CASS4: variants seen among roughly 807,000 people sequenced by gnomAD.
CASS4 encodes the protein cas scaffolding protein family member 4.
A neutral mutation model predicts 54.2 loss-of-function variants in CASS4; 22 were observed. That is an observed-to-expected ratio of 0.41 (90% confidence interval 0.29 to 0.58). CASS4 has a LOEUF of 0.58. CASS4 is among the 20% of genes least tolerant of loss of function. CASS4 has a pLI of 0.36. For synonymous variants in CASS4, 409 were observed against 391.5 expected (o/e 1.04, Z -0.53); for missense variants, 854 against 986.7 (o/e 0.87, Z 1.80).
rs572494030 is a variant in CASS4, at chr20:56,428,200, A to G, written c.37-8964A>G. On this transcript the variant is annotated intron_variant, in intron 1 of 5. Transcript: ENST00000679887. ...CTACTGTTTTAATTTTAGGAGCATA[A>G]GTGTTTGGTGTCAGGCGGGCTGTGA... 2.6e-5 allele frequency among the ~76,000 whole-genome samples: 4 copies of G among 152,324 alleles called. No individual in the cohort carries two copies. The East Asian group carries it at 7.7e-4, about 29-fold the overall frequency.
Position 56,459,710 on chromosome 20 carries a change from TC to T in CASS4, c.*968del. On this transcript the variant is annotated 3_prime_UTR_variant, in exon 6 of 6. Transcript: ENST00000679887. ...GTCTGGAACTCCTGACCTCAGGCCATCCCCCGCCTCGGCCTCCCAAAGTGCT... is the reference window on the plus strand; with the variant it reads ...GTCTGGAACTCCTGACCTCAGGCCATCCCCGCCTCGGCCTCCCAAAGTGCT... 2 of 153,760 alleles carry T rather than the reference TC, an allele frequency of 1.3e-5. No individual in the cohort carries two copies. Among genetic ancestry groups the T allele is most frequent in the Non-Finnish European group, 2.9e-5 (2 of 68,970 alleles). 9.5% of individuals were successfully genotyped at this position (153,760 alleles called of 1,614,324 possible). A position where few individuals can be genotyped will look rare whatever the true frequency, so the allele number is the denominator to read the frequency against.
Position 56,450,167 on chromosome 20 carries a change from G to T in CASS4, c.562-432G>T, listed in dbSNP as rs112388864. 5.9e-5 allele frequency among the ~76,000 whole-genome samples: 9 copies of T among 152,170 alleles called. 1 individual carries two copies. Among genetic ancestry groups the T allele is most frequent in the African/African-American group, 2.2e-4 (9 of 41,526 alleles). On this transcript the variant is annotated intron_variant, in intron 3 of 5. Transcript: ENST00000679887. ...CTGCCTCAGCCTCCCGAGTAGCTGG[G>T]ATTACAGTCATGCGCCACCATACCA...
At chr20:56,455,883 A>T (rs1981268088) in intron 5 of CASS4, among the ~76,000 whole-genome samples, 1 of 152,120 alleles carries the variant, frequency 6.6e-6, no homozygotes. Flanking sequence ...GTGAGCTGAG[A>T]TCGCACCACT....
chr20:56,442,452 G>A (rs1001581455), intron 2 of CASS4, among the ~76,000 whole-genome samples: 2 of 151,586 alleles, frequency 1.3e-5, no homozygotes, highest in African/African-American at 2.4e-5. Context: ...TGTGGCTGAC[G>A]CTATTCTTTC....
chr20:56,433,090 C>A (rs998360060), intron 1 of CASS4, among the ~76,000 whole-genome samples: 2 of 152,246 alleles, frequency 1.3e-5, no homozygotes, highest in Non-Finnish European at 2.9e-5. Flanking sequence ...CAGTCCAGAA[C>A]AAGAGGGTGT....
intron 1 of CASS4, among the ~76,000 whole-genome samples, chr20:56,426,545 CTTT>C (rs754001763): frequency 6.6e-6 from 1 of 151,842 alleles, no homozygotes; most frequent in African/African-American, 2.4e-5. Context: ...TCTTCTTCTT[CTTT>C]TTTTTCCCCC....
chr20:56,451,476 A>G (rs442481), intron 4 of CASS4, among the ~76,000 whole-genome samples: 67,184 of 151,234 alleles, frequency 0.44, 15,013 homozygotes, highest in South Asian at 0.54. Flanking sequence ...GGGGATGCAT[A>G]GGGGTTTGGT....
At chr20:56,419,007 GA>G (rs76074215) in intron 1 of CASS4, among the ~76,000 whole-genome samples, 11 of 152,006 alleles carry the variant, frequency 7.2e-5, no homozygotes, top group East Asian at 1.9e-4. Flanking sequence ...CACTTGGGGG[GA>G]AAAAAAGCTA....
chr20:56,421,340 A>C (rs1160638721), intron 1 of CASS4, among the ~76,000 whole-genome samples: 3 of 152,202 alleles, frequency 2.0e-5, no homozygotes, highest in African/African-American at 7.2e-5. Context: ...TTACCTAAAA[A>C]ATTGTAGTGG....
intron 1 of CASS4, among the ~76,000 whole-genome samples, chr20:56,415,674 C>T (rs965859549): frequency 1.8e-4 from 27 of 152,180 alleles, no homozygotes; most frequent in African/African-American, 5.8e-4. Context: ...TTGGGGCATT[C>T]GCCTTTAAAA....
chr20:56,441,786 T>C (rs1487009833), intron 2 of CASS4, among the ~76,000 whole-genome samples: 5 of 152,082 alleles, frequency 3.3e-5, no homozygotes, highest in African/African-American at 9.7e-5. Context: ...TCCTCCTCTG[T>C]ATAGGGAGAA....
In CASS4 at chr20:56,452,270, A is replaced by G; in HGVS notation, c.1094A>G (p.Glu365Gly). 1 of 1,613,976 alleles carries G rather than the reference A, an allele frequency of 6.2e-7. No individual in the cohort carries two copies. The highest frequency in any genetic ancestry group is 8.5e-7 in the Non-Finnish European group (1 of 1,180,034). The part of the protein sequence containing the change: ...ATSSVSQAGK[E>G]LEKAKEVSEN... ...TCGAGTGTTTCTCAGGCTGGGAAGG[A>G]GCTGGAGAAAGCCAAGGAGGTGTCA... Residue 365 changes from glutamate to glycine, a missense_variant, in exon 5 of 6, where the codon GAG becomes GGG. Glu to Gly is a moderately conservative substitution (Grantham distance 98). Transcript: ENST00000679887.
intron 2 of CASS4, among the ~76,000 whole-genome samples, chr20:56,441,016 T>A (rs959731164): frequency 1.4e-5 from 2 of 146,264 alleles, no homozygotes; most frequent in African/African-American, 5.2e-5. Context: ...GGAGGCAGAA[T>A]CTCGCTCTGT....
intron 1 of CASS4, among the ~76,000 whole-genome samples, chr20:56,416,879 A>G (rs1477346007): frequency 6.6e-6 from 1 of 152,218 alleles, no homozygotes; most frequent in Non-Finnish European, 1.5e-5. Context: ...TGGATGGTCC[A>G]ATATTTATAC....
At position 56,412,284 on chromosome 20, in the gene CASS4, A is replaced by G. The variant is rs564195571; in HGVS notation, c.-175A>G. The G allele has an allele frequency of 1.4e-4, 97 of 689,954 alleles. No individual in the cohort carries two copies. In the South Asian group the frequency reaches 1.6e-3, roughly 11 times the overall value. 42.7% of individuals were successfully genotyped at this position (689,954 alleles called of 1,614,324 possible). ...TCATTTTACTCTTATCGTGCTTTCCAGAAAGTTTGCCTGCTGGGAGAGTCT... is the reference window on the plus strand; with the variant it reads ...TCATTTTACTCTTATCGTGCTTTCCGGAAAGTTTGCCTGCTGGGAGAGTCT... On this transcript the variant is annotated 5_prime_UTR_variant, in exon 1 of 6. Transcript: ENST00000679887. The surrounding 1 kb of genome is among the most constrained non-coding windows in gnomAD (Gnocchi z 4.2).
At chr20:56,432,827 C>T (rs73913931) in intron 1 of CASS4, among the ~76,000 whole-genome samples, 4,507 of 152,276 alleles carry the variant, frequency 0.03, 103 homozygotes, top group African/African-American at 0.055. Flanking sequence ...AGACTAGTTA[C>T]GCCTTGAGGT....
chr20:56,437,436 AC>A lies in CASS4; in HGVS notation c.313del (p.Arg105AlafsTer12). On this transcript the variant is annotated frameshift_variant, in exon 2 of 6. Coordinates refer to ENST00000679887, the MANE Select transcript of CASS4 (RefSeq NM_020356.4). LOFTEE classifies it high-confidence loss of function. This position sits in a 1 kb window ranked among gnomAD's most constrained non-coding sequence, Gnocchi z 4.7. Reference protein sequence around the residue: ...SEETYQVPTLPRPPTPGPVYE... With the variant: ...SEETYQVPTLXRPPTPGPVYE... The stretch of plus-strand genomic sequence containing the variant: ...AGGAGACCTATCAGGTGCCCACTCT[AC>A]CCCGCCCTCCCACTCCAGGCCCCGT... 1 of 1,613,584 alleles carries A rather than the reference AC, an allele frequency of 6.2e-7. No individual in the cohort carries two copies. The highest frequency in any genetic ancestry group is 8.5e-7 in the Non-Finnish European group (1 of 1,179,826).
In CASS4 at chr20:56,414,014, C is replaced by T. The variant is rs1375590597; in HGVS notation, c.36+1520C>T. On this transcript the variant is annotated intron_variant, in intron 1 of 5. Coordinates refer to ENST00000679887, the MANE Select transcript of CASS4 (RefSeq NM_020356.4). This position sits in a 1 kb window ranked among gnomAD's most constrained non-coding sequence, Gnocchi z 4.1. ...AATGGCCAATACAATGACGCTCCAC[C>T]CCTAAACTTCATTATGTGTCTCCTA... Among the ~76,000 whole-genome samples the T allele has an allele frequency of 6.6e-6, 1 of 152,136 alleles. No individual in the cohort carries two copies. The highest frequency in any genetic ancestry group is 1.5e-5 in the Non-Finnish European group (1 of 68,036).
At chr20:56,417,464 C>T (rs993043185) in intron 1 of CASS4, among the ~76,000 whole-genome samples, 1 of 152,074 alleles carries the variant, frequency 6.6e-6, no homozygotes, top group Non-Finnish European at 1.5e-5. Flanking sequence ...ACAGGCCCAC[C>T]GCCAACACTC....
Sources: gnomAD v4.1 joint callset for allele counts (sites outside exome capture counted in the v4.1 genomes callset) on GRCh38, gnomAD v4.1.1 for gene constraint, Gnocchi (gnomAD v3.1) non-coding constraint, MANE v1.5 for transcripts, NCBI Gene and HGNC (gene_info 2026-07-23, HGNC 2026-07-21) for gene names.